PCDH15: variants seen among roughly 807,000 people sequenced by gnomAD.
PCDH15 encodes protocadherin related 15.
Under a neutral mutation model 178.5 loss-of-function variants are expected in PCDH15, and 129 were observed. The observed-to-expected ratio is 0.72, with a 90% CI of 0.63 to 0.84. The LOEUF is 0.84. PCDH15 is among the 40% of genes least tolerant of loss of function. The probability of loss-of-function intolerance (pLI) is 0.00; values close to 1 mark genes in which losing one functional copy is unlikely to be tolerated. For synonymous variants in PCDH15, 800 were observed against 732.0 expected, an observed-to-expected ratio of 1.09 and a Z score of -1.50; for missense variants, 2,230 against 2,099.9, an observed-to-expected ratio of 1.06 and a Z score of -1.21.
intron 15 of PCDH15, among the ~76,000 whole-genome samples, chr10:54,106,054 C>T (rs1321521996): frequency 6.6e-6 from 1 of 152,158 alleles, no homozygotes; most frequent in African/African-American, 2.4e-5. Context: ...TGCATGATTA[C>T]ATCTAAACAA....
At chr10:54,731,471 G>T (rs1943319485) in intron 1 of PCDH15, among the ~76,000 whole-genome samples, 1 of 146,716 alleles carries the variant, frequency 6.8e-6, no homozygotes, top group African/African-American at 2.5e-5. Flanking sequence ...CATGTTTATT[G>T]CAGCACTATT....
At chr10:54,690,096 T>G (rs1458527777) in intron 1 of PCDH15, among the ~76,000 whole-genome samples, 1 of 152,088 alleles carries the variant, frequency 6.6e-6, no homozygotes, top group Non-Finnish European at 1.5e-5. Context: ...CCCTTAAGAT[T>G]GGAATGGAGC....
chr10:54,233,002 C>T (rs1327501103), intron 9 of PCDH15, among the ~76,000 whole-genome samples: 6 of 145,492 alleles, frequency 4.1e-5, no homozygotes, highest in Admixed American at 1.4e-4. Flanking sequence ...ATGATGTGAT[C>T]GTAGCTCACT....
intron 1 of PCDH15, among the ~76,000 whole-genome samples, chr10:55,220,534 C>A (rs1451566304): frequency 6.6e-6 from 1 of 152,008 alleles, no homozygotes; most frequent in African/African-American, 2.4e-5. Flanking sequence ...GGTGGTATAG[C>A]CTACTATATA....
At chr10:54,748,433 T>C (rs1421515135) in intron 1 of PCDH15, among the ~76,000 whole-genome samples, 1 of 152,134 alleles carries the variant, frequency 6.6e-6, no homozygotes, top group African/African-American at 2.4e-5. Context: ...GGACCTTGCA[T>C]AGGATGTAGT....
chr10:54,421,079 T>C (rs1955219601), intron 3 of PCDH15, among the ~76,000 whole-genome samples: 3 of 152,126 alleles, frequency 2.0e-5, no homozygotes, highest in Non-Finnish European at 2.9e-5. Flanking sequence ...CTTAATATTA[T>C]GTTTTGCCTC....
chr10:55,548,309 G>T (rs1234770427), intron 2 of PCDH15, among the ~76,000 whole-genome samples: 2 of 151,148 alleles, frequency 1.3e-5, no homozygotes, highest in East Asian at 3.9e-4. Context: ...GGAGTGGTTT[G>T]TTACACGCCA....
chr10:54,566,399 G>T (rs1448901103), intron 2 of PCDH15, among the ~76,000 whole-genome samples: 3 of 152,002 alleles, frequency 2.0e-5, no homozygotes, highest in Non-Finnish European at 2.9e-5. Context: ...ACACTCTGTG[G>T]CTTTGACTAA....
At chr10:54,378,643 G>T (rs1408354562) in intron 4 of PCDH15, 139 bp downstream of exon 4, 2 of 918,824 alleles carry the variant, frequency 2.2e-6, no homozygotes, top group Non-Finnish European at 1.6e-6. Flanking sequence ...TTCTTTAAAT[G>T]AGTTAAAGAA....
At chr10:54,975,622 A>G (rs994035456) in intron 2 of PCDH15, among the ~76,000 whole-genome samples, 2 of 152,158 alleles carry the variant, frequency 1.3e-5, no homozygotes, top group Non-Finnish European at 2.9e-5. Context: ...TGAGATAAAC[A>G]TTAAAGATAA....
At chr10:55,213,337 T>TC (rs1225081172) in intron 1 of PCDH15, among the ~76,000 whole-genome samples, 2 of 152,092 alleles carry the variant, frequency 1.3e-5, no homozygotes, top group African/African-American at 4.8e-5. Context: ...TGGGAAGTTC[T>TC]CCCCTTGCAG....
chr10:55,063,224 T>A (rs570036073), intron 2 of PCDH15, among the ~76,000 whole-genome samples: 5 of 152,286 alleles, frequency 3.3e-5, no homozygotes, highest in Admixed American at 2.6e-4. Context: ...ATTTTCTGAA[T>A]AATACTTTCT....
intron 1 of PCDH15, among the ~76,000 whole-genome samples, chr10:55,255,074 T>G (rs2252874): frequency 0.87 from 132,266 of 151,982 alleles, 57,813 homozygotes; most frequent in East Asian, 0.96. Context: ...TTAACATTAG[T>G]TATATCTCCT....
chr10:55,359,720 GTATATA>G lies in PCDH15; in HGVS notation c.-155-193075_-155-193070del, dbSNP rs57949952. Among the ~76,000 whole-genome samples, 229 of 112,914 alleles carry G rather than the reference GTATATA, an allele frequency of 2.0e-3. 2 individuals carry two copies. The highest frequency in any genetic ancestry group is 7.2e-3 in the African/African-American group (189 of 26,210). 74.1% of individuals were successfully genotyped at this position (112,914 alleles called of 152,430 possible). ...GATGAACAAATAAAGAAAATGTGGT[GTATATA>G]TATATATATATATATATATATACAC... On this transcript the variant is annotated intron_variant, in intron 2 of 5. Coordinates refer to the PCDH15 transcript ENST00000613346.
At chr10:55,336,407 A>G (rs1474886704) in intron 2 of PCDH15, among the ~76,000 whole-genome samples, 3 of 152,172 alleles carry the variant, frequency 2.0e-5, no homozygotes, top group Non-Finnish European at 4.4e-5. Flanking sequence ...CTGAGGCAGG[A>G]CAATCGCTTG....
chr10:53,986,192 G>A (rs184458036), intron 21 of PCDH15, among the ~76,000 whole-genome samples: 21 of 152,046 alleles, frequency 1.4e-4, no homozygotes, highest in Admixed American at 6.6e-5. Context: ...ATACACACTC[G>A]ACATACAAAT....
intron 2 of PCDH15, among the ~76,000 whole-genome samples, chr10:55,626,159 G>GAATA (rs751870281): frequency 0.025 from 3,821 of 151,120 alleles, 154 homozygotes; most frequent in African/African-American, 0.079. Context: ...GAGAGAGAGA[G>GAATA]AATAAATAAA....
At chr10:55,004,250 CA>C (rs1839869603) in intron 2 of PCDH15, among the ~76,000 whole-genome samples, 1 of 151,890 alleles carries the variant, frequency 6.6e-6, no homozygotes, top group Non-Finnish European at 1.5e-5. Context: ...TGAAGTTGCC[CA>C]CAAAGACTAC....
intron 2 of PCDH15, among the ~76,000 whole-genome samples, chr10:54,948,188 C>G (rs1032712859): frequency 6.6e-6 from 1 of 151,964 alleles, no homozygotes; most frequent in Non-Finnish European, 1.5e-5. Context: ...TTGAGTCTGA[C>G]AACCATTGTT....
Sources: allele counts gnomAD v4.1 joint callset (sites outside exome capture counted in the v4.1 genomes callset), GRCh38; gene constraint gnomAD v4.1.1; transcripts MANE v1.5; gene names NCBI Gene and HGNC (gene_info 2026-07-23, HGNC 2026-07-21).